The following ADAMTS17 variants were observed in gnomAD, a reference collection of about 807,000 sequenced individuals.
The protein encoded by ADAMTS17 is ADAM metallopeptidase with thrombospondin type 1 motif 17.
In ADAMTS17, 113 loss-of-function variants were observed where a neutral mutation model predicts 141.5. The ratio of observed to expected loss-of-function variants is 0.80; its 90% CI spans 0.69 to 0.93. The LOEUF is 0.93. ADAMTS17 is among the 40% of genes least tolerant of loss of function. The pLI is 0.00. For missense variants in ADAMTS17, 1,659 were observed against 1,517.9 expected (o/e 1.09, Z -1.54); for synonymous variants, 768 against 630.6 (o/e 1.22, Z -3.27).
intron 15 of ADAMTS17, among the ~76,000 whole-genome samples, chr15:100,059,325 G>A (rs2032924252): frequency 6.6e-6 from 1 of 152,248 alleles, no homozygotes; most frequent in South Asian, 2.1e-4. Context: ...TGCAAATGCA[G>A]CTTTCCAGCT....
At chr15:100,194,496 A>C (rs902053963) in intron 8 of ADAMTS17, among the ~76,000 whole-genome samples, 5 of 152,226 alleles carry the variant, frequency 3.3e-5, no homozygotes, top group African/African-American at 1.2e-4. Flanking sequence ...CACCCACCTT[A>C]AAGTCACACT....
At chr15:100,215,353 G>A (rs2041937183) in intron 7 of ADAMTS17, among the ~76,000 whole-genome samples, 1 of 152,208 alleles carries the variant, frequency 6.6e-6, no homozygotes. Context: ...CTACCAGATG[G>A]ATTAGGGCCC....
chr15:100,179,171 A>T (rs2141517042), intron 8 of ADAMTS17, among the ~76,000 whole-genome samples: 1 of 152,240 alleles, frequency 6.6e-6, no homozygotes, highest in Admixed American at 6.5e-5. Context: ...GGTCTTATTC[A>T]TTCCTTCTAA....
intron 2 of ADAMTS17, among the ~76,000 whole-genome samples, chr15:100,336,065 AAAG>A (rs1277518829): frequency 1.3e-5 from 2 of 152,274 alleles, no homozygotes; most frequent in Non-Finnish European, 2.9e-5. Context: ...GCAATCAGTC[AAAG>A]AAGACTGCTT....
At chr15:100,205,872 C>G (rs549814536) in intron 7 of ADAMTS17, among the ~76,000 whole-genome samples, 1 of 152,174 alleles carries the variant, frequency 6.6e-6, no homozygotes, top group Non-Finnish European at 1.5e-5. Context: ...GAAGGGTGGG[C>G]GCCGCGGTCT....
intron 15 of ADAMTS17, among the ~76,000 whole-genome samples, chr15:100,057,708 CAG>C (rs1395790550): frequency 1.3e-5 from 2 of 152,160 alleles, no homozygotes; most frequent in Admixed American, 6.5e-5. Flanking sequence ...CAACCCCAAA[CAG>C]GGGGACTTTT....
intron 20 of ADAMTS17, among the ~76,000 whole-genome samples, chr15:99,992,153 A>G (rs2060702369): frequency 6.6e-6 from 1 of 151,812 alleles, no homozygotes; most frequent in Non-Finnish European, 1.5e-5. Context: ...ACAAACCTGC[A>G]CTTTCTGCAC....
At chr15:99,996,409 A>C (rs2060803122) in intron 19 of ADAMTS17, among the ~76,000 whole-genome samples, 1 of 152,326 alleles carries the variant, frequency 6.6e-6, no homozygotes, top group African/African-American at 2.4e-5. Context: ...GCCAAAAAAA[A>C]TCCCTCTAAT....
chr15:100,032,317 ACCCCAAATCT>A (rs1419036264), intron 18 of ADAMTS17, among the ~76,000 whole-genome samples: 1 of 152,062 alleles, frequency 6.6e-6, no homozygotes, highest in Non-Finnish European at 1.5e-5. Context: ...CACTGCCTCA[ACCCCAAATCT>A]CCCCAGGTCT....
chr15:100,179,853 T>C (rs938261668), intron 8 of ADAMTS17, among the ~76,000 whole-genome samples: 1 of 152,240 alleles, frequency 6.6e-6, no homozygotes, highest in Admixed American at 6.5e-5. Flanking sequence ...TCAGATCTTT[T>C]GCGCGTTTTT....
chr15:100,212,759 T>A (rs139592726), intron 7 of ADAMTS17, among the ~76,000 whole-genome samples: 1 of 137,814 alleles, frequency 7.3e-6, no homozygotes, highest in Non-Finnish European at 1.5e-5. Context: ...AACCGACACA[T>A]AGAAAACATG....
At chr15:100,024,857 G>A (rs1470175905) in intron 18 of ADAMTS17, among the ~76,000 whole-genome samples, 2 of 152,166 alleles carry the variant, frequency 1.3e-5, no homozygotes, top group Admixed American at 6.5e-5. Context: ...ACGTGACCTT[G>A]ACAAATACAT....
chr15:100,171,858 T>C (rs1844799665), intron 8 of ADAMTS17, among the ~76,000 whole-genome samples: 1 of 152,220 alleles, frequency 6.6e-6, no homozygotes, highest in Non-Finnish European at 1.5e-5. Flanking sequence ...GAACTTCTTT[T>C]AAAAGGTCTT....
At chr15:100,270,138 T>C (rs992114336) in intron 4 of ADAMTS17, among the ~76,000 whole-genome samples, 1 of 152,044 alleles carries the variant, frequency 6.6e-6, no homozygotes, top group African/African-American at 2.4e-5. Flanking sequence ...CTGGAGCCAT[T>C]TCTTCTGTGA....
chr15:100,183,979 G>A (rs1353065768), intron 8 of ADAMTS17, among the ~76,000 whole-genome samples: 1 of 152,194 alleles, frequency 6.6e-6, no homozygotes, highest in African/African-American at 2.4e-5. Flanking sequence ...TCCTATAGGG[G>A]GGTCAGGGAG....
chr15:100,309,215 G>A (rs1162023989), intron 3 of ADAMTS17, among the ~76,000 whole-genome samples: 2 of 152,222 alleles, frequency 1.3e-5, no homozygotes, highest in Non-Finnish European at 1.5e-5. Context: ...TCAGCTGGGC[G>A]TGGTGGCACA....
chr15:100,277,336 AG>A (rs2044133023), intron 4 of ADAMTS17, among the ~76,000 whole-genome samples: 1 of 151,948 alleles, frequency 6.6e-6, no homozygotes, highest in Non-Finnish European at 1.5e-5. Context: ...ACGGCCCATG[AG>A]GGGTGCAGGG....
At chr15:100,082,182 C>T (rs531950164) in intron 15 of ADAMTS17, among the ~76,000 whole-genome samples, 13 of 152,156 alleles carry the variant, frequency 8.5e-5, no homozygotes, top group South Asian at 6.2e-4. Context: ...TCTCCTGCCT[C>T]GGCCTCCCGA....
chr15:100,004,331 C>CT (rs1370029669), intron 18 of ADAMTS17, among the ~76,000 whole-genome samples: 1 of 152,126 alleles, frequency 6.6e-6, no homozygotes, highest in Non-Finnish European at 1.5e-5. Context: ...CTTAAAACTT[C>CT]TTTTTTTGGT....
Sources: gnomAD v4.1 joint callset for allele counts (sites outside exome capture counted in the v4.1 genomes callset) on GRCh38, gnomAD v4.1.1 for gene constraint, MANE v1.5 for transcripts, NCBI Gene and HGNC (gene_info 2026-07-23, HGNC 2026-07-21) for gene names.